The following TIAM2 variants were observed in gnomAD, a reference collection of about 807,000 sequenced individuals.
TIAM2 encodes TIAM Rac1 associated GEF 2.
A neutral mutation model predicts 152.9 loss-of-function variants in TIAM2; 80 were observed. The ratio of observed to expected loss-of-function variants is 0.52; its 90% CI spans 0.44 to 0.63. TIAM2 has a LOEUF of 0.63. TIAM2 is among the 30% of genes least tolerant of loss of function. TIAM2 has a pLI of 0.00. For missense variants in TIAM2, 1,965 were observed against 2,120.1 expected, an observed-to-expected ratio of 0.93 and a Z score of 1.44; for synonymous variants, 804 against 838.0, an observed-to-expected ratio of 0.96 and a Z score of 0.70.
intron 1 of TIAM2, among the ~76,000 whole-genome samples, chr6:155,025,859 C>T (rs1311154162): frequency 8.1e-6 from 1 of 123,870 alleles, no homozygotes; most frequent in South Asian, 2.9e-4. Context: ...CACACACACA[C>T]ACACACACAC....
At position 155,028,132 on chromosome 6, in the gene TIAM2, TATATA is replaced by T. The variant is rs1308478093; in HGVS notation, c.-209+32646_-209+32650del. ...TATGTACTGTGTTACATATATACTATATATAATATATGTACTGTTACATATATACT... is the reference window on the plus strand; with the variant it reads ...TATGTACTGTGTTACATATATACTATATATATGTACTGTTACATATATACT... On this transcript the variant is annotated intron_variant, in intron 1 of 26. Transcript: ENST00000682666. Among the ~76,000 whole-genome samples, 27 of 83,006 alleles carry T rather than the reference TATATA, an allele frequency of 3.3e-4. 2 individuals carry two copies. Among genetic ancestry groups the T allele is most frequent in the Non-Finnish European group, 5.2e-4 (23 of 44,046 alleles). 54.5% of individuals were successfully genotyped at this position (83,006 alleles called of 152,430 possible).
chr6:155,033,054 A>G (rs887683734), intron 1 of TIAM2, among the ~76,000 whole-genome samples: 5 of 152,184 alleles, frequency 3.3e-5, no homozygotes, highest in African/African-American at 1.2e-4. Context: ...ACTGTATGTT[A>G]AACACATGTG....
chr6:155,214,331 C>CA lies in TIAM2; in HGVS notation c.3168+3025dup, dbSNP rs755001283. Among the ~76,000 whole-genome samples, 2 of 152,210 alleles carry CA rather than the reference C, an allele frequency of 1.3e-5. No homozygotes were observed. The highest frequency in any genetic ancestry group is 2.9e-5 in the Non-Finnish European group (2 of 68,024). Reference sequence around the variant, plus strand: ...CACATGGCACATCCTTTGGAGGAACCATGTGGCATACCTTTTGGGGGTTGG... The same window carrying CA: ...CACATGGCACATCCTTTGGAGGAACCAATGTGGCATACCTTTTGGGGGTTGG... On this transcript the variant is annotated intron_variant, in intron 15 of 26. Coordinates refer to ENST00000682666, the MANE Select transcript of TIAM2 (RefSeq NM_012454.4). The surrounding 1 kb of genome is among the most constrained non-coding windows in gnomAD (Gnocchi z 5.4).
At chr6:155,133,429 TTTTA>T (rs1422052806) in intron 4 of TIAM2, among the ~76,000 whole-genome samples, 2 of 152,244 alleles carry the variant, frequency 1.3e-5, no homozygotes, top group African/African-American at 4.8e-5. Context: ...ATTTATTTTA[TTTTA>T]TTTATTTATT....
At chr6:155,125,484 T>A (rs1029440603) in intron 2 of TIAM2, among the ~76,000 whole-genome samples, 2 of 152,150 alleles carry the variant, frequency 1.3e-5, no homozygotes, top group African/African-American at 2.4e-5. Flanking sequence ...TCTGCTGCAC[T>A]GTTGGTGAGC....
intron 1 of TIAM2, among the ~76,000 whole-genome samples, chr6:155,044,504 CTTAG>C (rs143551488): frequency 0.052 from 7,987 of 152,142 alleles, 546 homozygotes; most frequent in African/African-American, 0.17. Context: ...CTATTATTGT[CTTAG>C]TTAGCTGCTT....
At chr6:155,127,435 G>A in intron 2 of TIAM2, 55 bp from the exon 3 acceptor site, 1 of 388,272 alleles carries the variant, frequency 2.6e-6, no homozygotes, top group South Asian at 1.9e-5. Context: ...TTTTGACTTT[G>A]TGGGAGCTTG....
At chr6:155,043,316 C>A (rs1562298719) in intron 1 of TIAM2, among the ~76,000 whole-genome samples, 1 of 152,100 alleles carries the variant, frequency 6.6e-6, no homozygotes, top group Non-Finnish European at 1.5e-5. Context: ...CCTTTGGTCT[C>A]CTTCCAGGCC....
At chr6:155,187,858 G>C (rs1008184500) in intron 14 of TIAM2, among the ~76,000 whole-genome samples, 5 of 152,090 alleles carry the variant, frequency 3.3e-5, no homozygotes, top group Admixed American at 3.3e-4. Context: ...GATTACACGT[G>C]TGAGTCACTG....
chr6:155,245,492 G>C lies in TIAM2; in HGVS notation c.3544-131G>C, dbSNP rs993739403. ...CTGTTCCCCACCTCCTGTGTGGATGGAGCAGGTTTGAACTTCTCCAAGGCA... is the reference window on the plus strand; with the variant it reads ...CTGTTCCCCACCTCCTGTGTGGATGCAGCAGGTTTGAACTTCTCCAAGGCA... On this transcript the variant is annotated intron_variant, in intron 18 of 26. Coordinates refer to ENST00000682666, the MANE Select transcript of TIAM2 (RefSeq NM_012454.4). 6.8e-6 allele frequency: 5 copies of C among 736,936 alleles called. No homozygotes were observed. The African/African-American group carries it at 7.1e-5, about 11-fold the overall frequency. The allele number at this position is 736,936 out of a possible 1,614,324, so 45.6% of individuals were successfully genotyped here.
At chr6:155,229,969 A>G (rs559273340) in intron 15 of TIAM2, among the ~76,000 whole-genome samples, 31 of 151,932 alleles carry the variant, frequency 2.0e-4, no homozygotes, top group East Asian at 1.2e-3. Flanking sequence ...CCATGATTCA[A>G]TTACCTCCCA....
In TIAM2 at chr6:155,137,214, G is replaced by T. The variant is rs1478806033; in HGVS notation, c.1232G>T (p.Ser411Ile). ...RSKEGSDYFD[S>I]RSDGLNTDVQ... is the part of the protein sequence containing the mutation. ...AAGGAGGGCAGTGACTACTTTGACA[G>T]TCGCTCTGATGGACTGAATACAGAT... is the stretch of plus-strand genomic sequence containing the variant. Residue 411 changes from serine (S) to isoleucine (I), a missense_variant, in exon 5 of 27, where the codon AGT becomes ATT. By Grantham distance (142) the Ser-to-Ile change is moderately radical (BLOSUM62 -2). Around this residue, in one of 3 missense-constraint regions of TIAM2, gnomAD observed 1,025 missense variants for 1,119.4 expected, o/e 0.92. Coordinates refer to ENST00000682666, the MANE Select transcript of TIAM2 (RefSeq NM_012454.4). The T allele has an allele frequency of 1.9e-6, 3 of 1,613,942 alleles. No individual in the cohort carries two copies. In the African/African-American group the frequency reaches 4.0e-5, roughly 22 times the overall value.
At chr6:155,184,527 C>A (rs901597022) in intron 14 of TIAM2, among the ~76,000 whole-genome samples, 1 of 152,198 alleles carries the variant, frequency 6.6e-6, no homozygotes, top group Admixed American at 6.5e-5. Flanking sequence ...CTGGAGAGCC[C>A]GGGTCAAGCT....
chr6:155,190,759 G>A (rs1056067267), intron 14 of TIAM2, among the ~76,000 whole-genome samples: 6 of 152,120 alleles, frequency 3.9e-5, no homozygotes, highest in Admixed American at 1.3e-4. Context: ...AGAGTGAGCC[G>A]GCTCTCTGTG....
chr6:155,249,184 A>G (rs1257342440), intron 20 of TIAM2, among the ~76,000 whole-genome samples: 3 of 152,262 alleles, frequency 2.0e-5, no homozygotes, highest in Non-Finnish European at 2.9e-5. Flanking sequence ...TACTGAATTT[A>G]GAAGTGACCT....
intron 1 of TIAM2, among the ~76,000 whole-genome samples, chr6:155,041,266 T>C (rs1777041542): frequency 1.3e-5 from 2 of 152,244 alleles, no homozygotes. Flanking sequence ...ATTTTTGTTT[T>C]TTCCCCCCAG....
At chr6:155,168,148 C>T (rs1780490669) in intron 9 of TIAM2, among the ~76,000 whole-genome samples, 1 of 152,080 alleles carries the variant, frequency 6.6e-6, no homozygotes, top group African/African-American at 2.4e-5. Context: ...TATGCCATTA[C>T]AAAATTTAGA....
chr6:155,033,356 G>C (rs758964166), intron 1 of TIAM2, among the ~76,000 whole-genome samples: 2 of 152,160 alleles, frequency 1.3e-5, no homozygotes, highest in African/African-American at 2.4e-5. Flanking sequence ...ACAACTGTTA[G>C]AAAAATAAGA....
rs1302690252 is a variant in TIAM2, at chr6:155,017,585, C to G, written c.-209+22093C>G. Among the ~76,000 whole-genome samples, 8 of 148,014 alleles carry G rather than the reference C, an allele frequency of 5.4e-5. No homozygotes were observed. The East Asian group carries it at 1.4e-3, about 26-fold the overall frequency. Reference sequence around the variant, plus strand: ...GTAGTGCGATCTTGGCTCATTGCAACCTCCGCCTCCTGGGTTCAAGCTATA... The same window carrying G: ...GTAGTGCGATCTTGGCTCATTGCAAGCTCCGCCTCCTGGGTTCAAGCTATA... On this transcript the variant is annotated intron_variant, in intron 1 of 26. Coordinates refer to ENST00000682666, the MANE Select transcript of TIAM2 (RefSeq NM_012454.4).
Sources: allele counts gnomAD v4.1 joint callset (sites outside exome capture counted in the v4.1 genomes callset), GRCh38; gene constraint gnomAD v4.1.1; regional missense constraint gnomAD v4.1.1; non-coding constraint Gnocchi (gnomAD v3.1); transcripts MANE v1.5; gene names NCBI Gene and HGNC (gene_info 2026-07-23, HGNC 2026-07-21).